Variants in DOK7 observed in about 807,000 individuals in gnomAD.
The protein encoded by DOK7 is docking protein 7.
A neutral mutation model predicts 30.7 loss-of-function variants in DOK7; 32 were observed. That is an observed-to-expected ratio of 1.04 (90% CI 0.79 to 1.40). The LOEUF is 1.40. Ranked by LOEUF, DOK7 falls within the 40% of genes most tolerant of loss-of-function variation. The probability of loss-of-function intolerance (pLI) is 0.00; values close to 1 mark genes in which losing one functional copy is unlikely to be tolerated. For synonymous variants in DOK7, 447 were observed against 324.1 expected, an observed-to-expected ratio of 1.38 and a Z score of -4.07; for missense variants, 1,007 against 699.2, an observed-to-expected ratio of 1.44 and a Z score of -4.97.
chr4:3,469,086 G>A (rs1726574617), intron 2 of DOK7, among the ~76,000 whole-genome samples: 1 of 143,842 alleles, frequency 7.0e-6, no homozygotes, highest in African/African-American at 2.8e-5. Flanking sequence ...GAGTGTACAT[G>A]TGTGTGCCTG....
At chr4:3,468,725 C>T (rs1039007923) in intron 2 of DOK7, among the ~76,000 whole-genome samples, 38 of 123,254 alleles carry the variant, frequency 3.1e-4, no homozygotes, top group Non-Finnish European at 5.6e-4. Flanking sequence ...TGTGTGCGTG[C>T]CTGTATGTCT....
chr4:3,483,727 G>A (rs892281015), intron 4 of DOK7, among the ~76,000 whole-genome samples: 10 of 152,236 alleles, frequency 6.6e-5, no homozygotes, highest in Non-Finnish European at 1.2e-4. Context: ...TAGAGAGCCT[G>A]GCCTTTCGTG....
chr4:3,477,375 A>G (rs1406379872), intron 4 of DOK7, among the ~76,000 whole-genome samples: 2 of 152,202 alleles, frequency 1.3e-5, no homozygotes, highest in Non-Finnish European at 2.9e-5. Flanking sequence ...CACTTGGCTC[A>G]CACTGGTGGG....
chr4:3,498,451 G>A (rs1489514997), downstream of DOK7, among the ~76,000 whole-genome samples: 1 of 152,326 alleles, frequency 6.6e-6, no homozygotes, highest in South Asian at 2.1e-4. Context: ...AACCTTGGGA[G>A]CAAACTTGGA....
Position 3,492,937 on chromosome 4 carries a change from AC to A in DOK7, c.957del (p.Lys320SerfsTer136), listed in dbSNP as rs794727884. 6.5e-7 allele frequency: 1 copy of A among 1,543,988 alleles called. No individual in the cohort carries two copies. The highest frequency in any genetic ancestry group is 8.7e-7 in the Non-Finnish European group (1 of 1,148,860). ...GEAMVGASRP[P>X]PKPLRPRQLQ... Reference sequence around the variant, plus strand: ...AAGCCATGGTGGGTGCCTCAAGGCCACCCCCCAAGCCGCTGCGTCCGCGGCA... The same window carrying A: ...AAGCCATGGTGGGTGCCTCAAGGCCACCCCCAAGCCGCTGCGTCCGCGGCA... On this transcript the variant is annotated frameshift_variant, in exon 7 of 7. Coordinates refer to ENST00000340083, the MANE Select transcript of DOK7 (RefSeq NM_173660.5). LOFTEE classifies it low-confidence loss of function (END_TRUNC).
chr4:3,465,986 G>T (rs950085350), intron 2 of DOK7, among the ~76,000 whole-genome samples: 4 of 152,032 alleles, frequency 2.6e-5, no homozygotes, highest in Non-Finnish European at 5.9e-5. Context: ...GGAGAGTGTG[G>T]CCCCAGGCCA....
downstream of DOK7, among the ~76,000 whole-genome samples, chr4:3,498,889 G>C (rs905786720): frequency 2.0e-5 from 3 of 152,232 alleles, no homozygotes; most frequent in Non-Finnish European, 2.9e-5. Flanking sequence ...TTAGTTCATG[G>C]AATCAGGTGA....
chr4:3,494,913 C>T (rs1728819355), downstream of DOK7, among the ~76,000 whole-genome samples: 1 of 152,150 alleles, frequency 6.6e-6, no homozygotes, highest in Non-Finnish European at 1.5e-5. Context: ...GTGTGGGTGC[C>T]TGCCTGCCCC....
intron 2 of DOK7, among the ~76,000 whole-genome samples, chr4:3,471,773 G>A (rs892385152): frequency 1.3e-5 from 2 of 152,244 alleles, no homozygotes; most frequent in Admixed American, 6.5e-5. Flanking sequence ...AGATTGTCTG[G>A]AAAGCCTCAG....
chr4:3,496,044 G>A (rs984952231), downstream of DOK7, among the ~76,000 whole-genome samples: 3 of 152,186 alleles, frequency 2.0e-5, no homozygotes, highest in Non-Finnish European at 2.9e-5. Flanking sequence ...AGGGTGCTGC[G>A]CCTTCTTTCT....
chr4:3,479,976 G>C (rs1048364611), intron 4 of DOK7, among the ~76,000 whole-genome samples: 1 of 152,264 alleles, frequency 6.6e-6, no homozygotes, highest in Non-Finnish European at 1.5e-5. Flanking sequence ...TCACACACGG[G>C]CAAGTGACTG....
rs1461472399 is a variant in DOK7, at chr4:3,494,478, C to CTTTT, written c.*977_*978insTTTT. 1 of 985,248 alleles carries CTTTT rather than the reference C, an allele frequency of 1.0e-6. No individual in the cohort carries two copies. Among genetic ancestry groups the CTTTT allele is most frequent in the African/African-American group, 1.7e-5 (1 of 57,202 alleles). The allele number at this position is 985,248 out of a possible 1,614,324, so 61.0% of individuals were successfully genotyped here. A position where few individuals can be genotyped will look rare whatever the true frequency, so the allele number is the denominator to read the frequency against. On this transcript the variant is annotated 3_prime_UTR_variant, in exon 7 of 7. Coordinates refer to ENST00000340083, the MANE Select transcript of DOK7 (RefSeq NM_173660.5). ...ATAGACTGGAAATAAAATGTTCTTT[C>CTTTT]CTTACCACCTTGTCCTAGTCCGTTG...
At chr4:3,488,409 A>G (rs1727952425) in intron 5 of DOK7, among the ~76,000 whole-genome samples, 1 of 152,226 alleles carries the variant, frequency 6.6e-6, no homozygotes, top group Non-Finnish European at 1.5e-5. Context: ...ACAGTGTCCT[A>G]TCAGGGACAG....
chr4:3,472,714 G>T (rs1051976715), intron 2 of DOK7, among the ~76,000 whole-genome samples: 2 of 152,254 alleles, frequency 1.3e-5, no homozygotes, highest in African/African-American at 4.8e-5. Flanking sequence ...TTGGAAAATG[G>T]GAAGGTGGGG....
At chr4:3,486,408 C>T (rs1026809580) in intron 5 of DOK7, among the ~76,000 whole-genome samples, 13 of 152,240 alleles carry the variant, frequency 8.5e-5, no homozygotes, top group East Asian at 7.7e-4. Flanking sequence ...GGCCATGTGG[C>T]GGGTGAGCAG....
intron 2 of DOK7, 82 bp from the exon 3 acceptor site, chr4:3,473,324 C>A (rs1560209699): frequency 7.1e-7 from 1 of 1,411,282 alleles, no homozygotes; most frequent in Non-Finnish European, 9.8e-7. Flanking sequence ...CGGGTCTCTG[C>A]ACTGTCACGG....
downstream of DOK7, chr4:3,496,788 G>C: frequency 3.9e-6 from 6 of 1,535,856 alleles, no homozygotes; most frequent in Non-Finnish European, 5.2e-6. Flanking sequence ...GAAGACTGAA[G>C]GATGCACTGA....
At chr4:3,483,587 C>T (rs1169637162) in intron 4 of DOK7, among the ~76,000 whole-genome samples, 2 of 152,200 alleles carry the variant, frequency 1.3e-5, no homozygotes, top group Admixed American at 1.3e-4. Flanking sequence ...ACCGTGTCTT[C>T]GGGGTGAGTG....
chr4:3,494,019 C>T lies in DOK7; in HGVS notation c.*518C>T, dbSNP rs1039385105. The T allele has an allele frequency of 1.0e-6, 1 of 991,058 alleles. No individual in the cohort carries two copies. The highest frequency in any genetic ancestry group is 1.2e-6 in the Non-Finnish European group (1 of 833,982). The allele number at this position is 991,058 out of a possible 1,614,324, so 61.4% of individuals were successfully genotyped here. On this transcript the variant is annotated 3_prime_UTR_variant, in exon 7 of 7. Coordinates refer to ENST00000340083, the MANE Select transcript of DOK7 (RefSeq NM_173660.5). ...CCCCCTGGGCTCCGTGTGCGCTGGGCCTCATCCCCATCTATGGGAGGAAAC... is the reference window on the plus strand; with the variant it reads ...CCCCCTGGGCTCCGTGTGCGCTGGGTCTCATCCCCATCTATGGGAGGAAAC...
Sources: gnomAD v4.1 joint callset for allele counts (sites outside exome capture counted in the v4.1 genomes callset) on GRCh38, gnomAD v4.1.1 for gene constraint, MANE v1.5 for transcripts, NCBI Gene and HGNC (gene_info 2026-07-23, HGNC 2026-07-21) for gene names.